Variants in ZNF431 observed in about 807,000 individuals in gnomAD.
ZNF431 encodes zinc finger protein 431.
In ZNF431, 34 loss-of-function variants were observed where a neutral mutation model predicts 57.0. That is an observed-to-expected ratio of 0.60 (90% CI 0.45 to 0.79). ZNF431 has a LOEUF of 0.79. Among genes scored for constraint, ZNF431 ranks in the 30% least tolerant of loss-of-function variants. The pLI, the probability that ZNF431 is intolerant of heterozygous loss-of-function variation, is 0.00. For synonymous variants in ZNF431, 207 were observed against 220.3 expected (o/e 0.94, Z 0.54); for missense variants, 607 against 667.1 (o/e 0.91, Z 0.99).
At chr19:21,173,559 C>CAGG (rs1338706522) in intron 4 of ZNF431, among the ~76,000 whole-genome samples, 8 of 151,938 alleles carry the variant, frequency 5.3e-5, no homozygotes, top group African/African-American at 1.9e-4. Context: ...TGTTGTCATC[C>CAGG]AGGCCTGCTG....
chr19:21,156,708 T>A (rs78885108), intron 2 of ZNF431, among the ~76,000 whole-genome samples: 2 of 151,812 alleles, frequency 1.3e-5, no homozygotes, highest in Admixed American at 6.6e-5. Flanking sequence ...TTTTTTTTTT[T>A]AATGGCCACA....
At position 21,194,936 on chromosome 19, in the gene ZNF431, T is replaced by C. The variant is rs1363938997; in HGVS notation, c.*10902T>C. ...ATGCAAGGGTGAGAAAGCAGAGTTA[T>C]CAGGGAGGTGGGACTATTGCTTTAT... On this transcript the variant is annotated 3_prime_UTR_variant, in exon 5 of 5. Transcript: ENST00000311048. 1 of 152,192 alleles carries C rather than the reference T, an allele frequency of 6.6e-6. No individual in the cohort carries two copies. Among genetic ancestry groups the C allele is most frequent in the Non-Finnish European group, 1.5e-5 (1 of 68,044 alleles). The allele number at this position is 152,192 out of a possible 1,614,324, so 9.4% of individuals were successfully genotyped here.
rs1312551137 is a variant in ZNF431 at position 21,180,612 on chromosome 19, TA to T, written c.320-2007del. On this transcript the variant is annotated intron_variant, in intron 4 of 4. Coordinates refer to ENST00000311048, the MANE Select transcript of ZNF431 (RefSeq NM_133473.4). ...TCTTGGGGTTACCTTGGGGATTATA[TA>T]AAACCTCTAAAAGATACAACAATGT... Among the ~76,000 whole-genome samples, 4 of 152,326 alleles carry T rather than the reference TA, an allele frequency of 2.6e-5. No individual in the cohort carries two copies. The East Asian group carries it at 7.7e-4, about 29-fold the overall frequency.
Position 21,166,343 on chromosome 19 carries a change from G to A in ZNF431, c.105G>A (p.Leu35=), listed in dbSNP as rs371225048. Residue 35 remains leucine, a synonymous_variant, in exon 3 of 5, where the codon TTG becomes TTA. Coordinates refer to ENST00000311048, the MANE Select transcript of ZNF431 (RefSeq NM_133473.4). The stretch of plus-strand genomic sequence containing the variant: ...GTGCTTGTGTTTTTCAGGAGACATT[G>A]ACATTTAGGGATGTGGCCATAGAAT... ...LVYSYFEKET[L]TFRDVAIEFS... 2.4e-5 allele frequency: 39 copies of A among 1,612,820 alleles called. No individual in the cohort carries two copies. The highest frequency in any genetic ancestry group is 3.1e-5 in the Non-Finnish European group (37 of 1,179,698).
Position 21,142,050 on chromosome 19 carries a change from G to A in ZNF431, c.-134G>A. 1 of 1,193,570 alleles carries A rather than the reference G, an allele frequency of 8.4e-7. No homozygotes were observed. The highest frequency in any genetic ancestry group is 1.2e-6 in the Non-Finnish European group (1 of 826,088). 73.9% of individuals were successfully genotyped at this position (1,193,570 alleles called of 1,614,324 possible). A position where few individuals can be genotyped will look rare whatever the true frequency, so the allele number is the denominator to read the frequency against. On this transcript the variant is annotated 5_prime_UTR_variant, in exon 1 of 5. Coordinates refer to ENST00000311048, the MANE Select transcript of ZNF431 (RefSeq NM_133473.4). ...TGTGGCGGGGCCTTTGTCTCTCGCC[G>A]CAGCCTGAGCTCCAGGTCTCCCCTT...
At position 21,142,052 on chromosome 19, in the gene ZNF431, A is replaced by AGCCTGAGCTCCAGGTCTC. The variant is rs1568291325; in HGVS notation, c.-131_-114dup. The AGCCTGAGCTCCAGGTCTC allele has an allele frequency of 1.6e-6, 2 of 1,217,218 alleles. No homozygotes were observed. The highest frequency in any genetic ancestry group is 2.4e-6 in the Non-Finnish European group (2 of 844,040). 75.4% of individuals were successfully genotyped at this position (1,217,218 alleles called of 1,614,324 possible). ...TGGCGGGGCCTTTGTCTCTCGCCGC[A>AGCCTGAGCTCCAGGTCTC]GCCTGAGCTCCAGGTCTCCCCTTCG... is the stretch of plus-strand genomic sequence containing the variant. On this transcript the variant is annotated 5_prime_UTR_variant, in exon 1 of 5. Transcript: ENST00000311048.
At chr19:21,177,282 G>A (rs1156478245) in intron 4 of ZNF431, among the ~76,000 whole-genome samples, 48 of 152,222 alleles carry the variant, frequency 3.2e-4, no homozygotes, top group Non-Finnish European at 1.5e-4. Flanking sequence ...TTATTAAAAG[G>A]GAATCCTTTT....
At chr19:21,146,526 T>A (rs535027765) in intron 2 of ZNF431, among the ~76,000 whole-genome samples, 1 of 152,320 alleles carries the variant, frequency 6.6e-6, no homozygotes, top group South Asian at 2.1e-4. Context: ...ATTTCTTGAT[T>A]ATATGCTAAA....
rs1449873515 is a variant in ZNF431 at position 21,189,601 on chromosome 19, A to G, written c.*5567A>G. 1 of 297,862 alleles carries G rather than the reference A, an allele frequency of 3.4e-6. No individual in the cohort carries two copies. Among genetic ancestry groups the G allele is most frequent in the Admixed American group, 5.1e-5 (1 of 19,622 alleles). 18.5% of individuals were successfully genotyped at this position (297,862 alleles called of 1,614,324 possible). On this transcript the variant is annotated 3_prime_UTR_variant, in exon 5 of 5. Transcript: ENST00000311048. The stretch of plus-strand genomic sequence containing the variant: ...CTATAGTCACCATGTTGTGCAATAA[A>G]TCTCTTGAACTTATTTCTTCCATTT...
chr19:21,158,128 G>T (rs896910334), intron 2 of ZNF431, among the ~76,000 whole-genome samples: 1 of 152,000 alleles, frequency 6.6e-6, no homozygotes, highest in Non-Finnish European at 1.5e-5. Flanking sequence ...GGGCAGTTTG[G>T]CCATTTTAAT....
chr19:21,171,699 T>TATATAC (rs1470361628), intron 4 of ZNF431, among the ~76,000 whole-genome samples: 1 of 13,484 alleles, frequency 7.4e-5, no homozygotes, highest in African/African-American at 3.9e-4. Flanking sequence ...TAATGATGAA[T>TATATAC]ATATATATAT....
In ZNF431 at chr19:21,190,527, A is replaced by G. The variant is rs950674426; in HGVS notation, c.*6493A>G. ...TTCTTTTAATAAGAGTTATTCTAAC[A>G]GGAATGAGTTGATATAGGGATTTTT... On this transcript the variant is annotated 3_prime_UTR_variant, in exon 5 of 5. Transcript: ENST00000311048. 1.3e-5 allele frequency: 2 copies of G among 152,114 alleles called. No homozygotes were observed. The highest frequency in any genetic ancestry group is 2.9e-5 in the Non-Finnish European group (2 of 68,030). 9.4% of individuals were successfully genotyped at this position (152,114 alleles called of 1,614,324 possible). A position where few individuals can be genotyped will look rare whatever the true frequency, so the allele number is the denominator to read the frequency against.
intron 2 of ZNF431, among the ~76,000 whole-genome samples, chr19:21,159,794 T>C (rs761391892): frequency 4.6e-5 from 7 of 152,174 alleles, no homozygotes; most frequent in Non-Finnish European, 8.8e-5. Context: ...ATTTGTCTGG[T>C]CCTGTTCTTT....
intron 2 of ZNF431, among the ~76,000 whole-genome samples, chr19:21,165,639 AGTATCTTTATACAGCTAATGT>A (rs1479640423): frequency 1.3e-5 from 2 of 152,052 alleles, no homozygotes; most frequent in African/African-American, 4.8e-5. Context: ...TTTATTATTA[AGTATCTTTATACAGCTAATGT>A]GCATAAACCA....
intron 2 of ZNF431, 121 bp downstream of exon 2, chr19:21,143,764 C>A (rs1970006996): frequency 1.5e-6 from 1 of 657,780 alleles, no homozygotes; most frequent in Non-Finnish European, 2.6e-6. Flanking sequence ...TAATGTATGC[C>A]CCCTGGATTG....
intron 2 of ZNF431, among the ~76,000 whole-genome samples, chr19:21,146,950 T>G (rs1369910010): frequency 6.6e-6 from 1 of 152,202 alleles, no homozygotes; most frequent in Non-Finnish European, 1.5e-5. Context: ...TGTAACTACT[T>G]CATGCTGAAT....
intron 2 of ZNF431, among the ~76,000 whole-genome samples, chr19:21,156,700 T>C (rs1349844046): frequency 1.3e-5 from 2 of 152,010 alleles, no homozygotes; most frequent in African/African-American, 2.4e-5. Flanking sequence ...AATCTTGTTT[T>C]TTTTTTTTAA....
chr19:21,143,796 T>C (rs1454937441), intron 2 of ZNF431, among the ~76,000 whole-genome samples, 153 bp downstream of exon 2: 2 of 151,370 alleles, frequency 1.3e-5, no homozygotes, highest in South Asian at 2.1e-4. Context: ...AGAAAGATAA[T>C]GAAATAAATA....
At position 21,169,857 on chromosome 19, in the gene ZNF431, C is replaced by T. The variant is rs575750882; in HGVS notation, c.319+2191C>T. The T allele has an allele frequency of 7.5e-6, 3 of 398,598 alleles. No homozygotes were observed. In the Admixed American group the frequency reaches 1.3e-4, roughly 18 times the overall value. 24.7% of individuals were successfully genotyped at this position (398,598 alleles called of 1,614,324 possible). A position where few individuals can be genotyped will look rare whatever the true frequency, so the allele number is the denominator to read the frequency against. Reference sequence around the variant, plus strand: ...GAGCTGGAACTGAGTCAATAAACTGCTTCAGGGACCACAGTAAAAACCAAG... The same window carrying T: ...GAGCTGGAACTGAGTCAATAAACTGTTTCAGGGACCACAGTAAAAACCAAG... On this transcript the variant is annotated intron_variant, in intron 4 of 4. Transcript: ENST00000311048.
Sources: allele counts gnomAD v4.1 joint callset (sites outside exome capture counted in the v4.1 genomes callset), GRCh38; gene constraint gnomAD v4.1.1; transcripts MANE v1.5; gene names NCBI Gene and HGNC (gene_info 2026-07-23, HGNC 2026-07-21).